The following NCKAP5 variants were observed in gnomAD, a reference collection of about 807,000 sequenced individuals.
The protein encoded by NCKAP5 is nck-associated protein 5.
A neutral mutation model predicts 167.0 loss-of-function variants in NCKAP5; 92 were observed. The ratio of observed to expected loss-of-function variants is 0.55; its 90% confidence interval spans 0.47 to 0.66. The LOEUF (loss-of-function observed/expected upper bound fraction) is 0.66, where lower values mean the gene tolerates loss of function less well. Among genes scored for constraint, NCKAP5 ranks in the 30% least tolerant of loss-of-function variants. NCKAP5 has a pLI of 0.00. For missense variants in NCKAP5, 2,378 were observed against 2,315.0 expected, an observed-to-expected ratio of 1.03 and a Z score of -0.56; for synonymous variants, 891 against 877.4, an observed-to-expected ratio of 1.02 and a Z score of -0.27.
At chr2:133,438,228 T>C (rs1690617498) in intron 3 of NCKAP5, among the ~76,000 whole-genome samples, 1 of 152,236 alleles carries the variant, frequency 6.6e-6, no homozygotes, top group Admixed American at 6.5e-5. Flanking sequence ...TCTGGCAGCA[T>C]GGCATACAAA....
At chr2:132,883,246 C>T (rs1397187294) in intron 8 of NCKAP5, among the ~76,000 whole-genome samples, 1 of 140,408 alleles carries the variant, frequency 7.1e-6, no homozygotes, top group Non-Finnish European at 1.6e-5. Context: ...ACGACACCCA[C>T]CATGTCCTCT....
the NCKAP5 span, among the ~76,000 whole-genome samples, chr2:133,632,384 T>G: frequency 6.6e-6 from 1 of 152,244 alleles, no homozygotes; most frequent in Non-Finnish European, 1.5e-5. Flanking sequence ...GCTGCCTGGA[T>G]TAATAATTTA....
intron 3 of NCKAP5, among the ~76,000 whole-genome samples, chr2:133,378,185 TA>T (rs1686283992): frequency 6.6e-6 from 1 of 152,170 alleles, no homozygotes; most frequent in Non-Finnish European, 1.5e-5. Flanking sequence ...AAATGGTAAG[TA>T]AATGATAGTA....
intron 5 of NCKAP5, among the ~76,000 whole-genome samples, chr2:133,172,590 G>A (rs2084294002): frequency 6.6e-6 from 1 of 152,156 alleles, no homozygotes; most frequent in Non-Finnish European, 1.5e-5. Context: ...TCCTGTCTCA[G>A]CCTCCAAGTA....
intron 3 of NCKAP5, among the ~76,000 whole-genome samples, chr2:133,435,212 C>T (rs928664838): frequency 6.6e-6 from 1 of 152,164 alleles, no homozygotes; most frequent in Non-Finnish European, 1.5e-5. Context: ...ATGACAGATT[C>T]ACTCATGTAA....
intron 2 of NCKAP5, among the ~76,000 whole-genome samples, chr2:133,555,765 A>G (rs1364068409): frequency 6.6e-6 from 1 of 152,192 alleles, no homozygotes; most frequent in Non-Finnish European, 1.5e-5. Context: ...GCAATTACAC[A>G]AGCACTCTTA....
At chr2:132,736,501 C>T (rs181745866) in intron 16 of NCKAP5, among the ~76,000 whole-genome samples, 2 of 152,232 alleles carry the variant, frequency 1.3e-5, no homozygotes, top group Non-Finnish European at 1.5e-5. Context: ...GAGTTCACAG[C>T]TGGGCGCGGT....
At chr2:132,940,583 A>G (rs1217186108) in intron 8 of NCKAP5, among the ~76,000 whole-genome samples, 1 of 152,226 alleles carries the variant, frequency 6.6e-6, no homozygotes, top group Non-Finnish European at 1.5e-5. Context: ...GTTCAATAAT[A>G]GGGTAGTAAA....
At chr2:133,317,782 C>G (rs1011151274) in intron 3 of NCKAP5, among the ~76,000 whole-genome samples, 1 of 152,146 alleles carries the variant, frequency 6.6e-6, no homozygotes, top group Non-Finnish European at 1.5e-5. Flanking sequence ...ATGCCCTATG[C>G]CAACACCAGG....
intron 19 of NCKAP5, among the ~76,000 whole-genome samples, chr2:132,698,964 T>A (rs1346630600): frequency 3.3e-5 from 5 of 152,222 alleles, no homozygotes; most frequent in Non-Finnish European, 4.4e-5. Flanking sequence ...GTAATTCTGA[T>A]ACACACTCAA....
chr2:132,797,036 GAT>G (rs1316413786), intron 11 of NCKAP5, among the ~76,000 whole-genome samples: 2 of 152,164 alleles, frequency 1.3e-5, no homozygotes, highest in Non-Finnish European at 2.9e-5. Flanking sequence ...TGAATACTCT[GAT>G]ATATTTATTG....
At chr2:132,773,697 G>T in intron 16 of NCKAP5, 119 bp downstream of exon 16, 1 of 797,136 alleles carries the variant, frequency 1.3e-6, no homozygotes. Flanking sequence ...AACCATGTGT[G>T]AATAGTTAAC....
chr2:133,162,467 T>C (rs560539513), intron 5 of NCKAP5, among the ~76,000 whole-genome samples: 1 of 152,266 alleles, frequency 6.6e-6, no homozygotes, highest in African/African-American at 2.4e-5. Context: ...CAGAAACATA[T>C]TTGTTTTTGA....
At chr2:132,691,552 G>A in intron 19 of NCKAP5, among the ~76,000 whole-genome samples, 1 of 152,102 alleles carries the variant, frequency 6.6e-6, no homozygotes, top group East Asian at 1.9e-4. Context: ...TCACGTTTCA[G>A]TGTTTCACTT....
At chr2:133,459,252 C>T (rs1459817340) in intron 3 of NCKAP5, among the ~76,000 whole-genome samples, 1 of 152,164 alleles carries the variant, frequency 6.6e-6, no homozygotes, top group Non-Finnish European at 1.5e-5. Context: ...CACTTTGTTG[C>T]TCAGGCTGGT....
chr2:133,071,663 C>A (rs1417696730), intron 6 of NCKAP5, among the ~76,000 whole-genome samples: 1 of 152,260 alleles, frequency 6.6e-6, no homozygotes, highest in Non-Finnish European at 1.5e-5. Context: ...TCTTTCCGAG[C>A]GTCTATATTC....
intron 11 of NCKAP5, among the ~76,000 whole-genome samples, chr2:132,822,765 G>T (rs1686844099): frequency 6.6e-6 from 1 of 152,124 alleles, no homozygotes. Flanking sequence ...GCTACTCAAG[G>T]AGATACAAGA....
intron 11 of NCKAP5, among the ~76,000 whole-genome samples, chr2:132,818,018 G>C (rs1478771063): frequency 6.6e-6 from 1 of 152,190 alleles, no homozygotes; most frequent in Non-Finnish European, 1.5e-5. Flanking sequence ...CATGATCATG[G>C]CTCACTGCGG....
intron 2 of NCKAP5, among the ~76,000 whole-genome samples, chr2:133,547,227 A>G (rs1686792737): frequency 6.6e-6 from 1 of 152,118 alleles, no homozygotes; most frequent in East Asian, 1.9e-4. Context: ...GGAGGGTCCT[A>G]CGCCCACGGA....
Sources: gnomAD v4.1 joint callset for allele counts (sites outside exome capture counted in the v4.1 genomes callset) on GRCh38, gnomAD v4.1.1 for gene constraint, MANE v1.5 for transcripts, NCBI Gene and HGNC (gene_info 2026-07-23, HGNC 2026-07-21) for gene names.